Variants in COXFA4L3 observed in about 807,000 individuals in gnomAD.
COXFA4L3 encodes MIR147B host.
At chr15:45,430,673 A>C in the COXFA4L3 span, 1 of 843,992 alleles carries the variant, frequency 1.2e-6, no homozygotes, top group Admixed American at 2.7e-5. Flanking sequence ...TCCCATCTGC[A>C]GAGACGCGGA....
the COXFA4L3 span, chr15:45,432,080 GA>G: frequency 3.0e-5 from 48 of 1,600,742 alleles, no homozygotes; most frequent in South Asian, 5.6e-5. Context: ...AGCCTTGATC[GA>G]AAAAAAAATC....
the COXFA4L3 span, chr15:45,432,159 T>G: frequency 1.9e-6 from 3 of 1,603,118 alleles, no homozygotes; most frequent in Non-Finnish European, 1.7e-6. Flanking sequence ...AACAAATGAT[T>G]TATATTTTGC....
the COXFA4L3 span, chr15:45,430,627 A>G: frequency 1.6e-6 from 1 of 634,098 alleles, no homozygotes; most frequent in Admixed American, 3.1e-5. Context: ...GGGCGTTACC[A>G]TCGTCCGTGC....
At chr15:45,432,826 G>C in the COXFA4L3 span, 1 of 720,326 alleles carries the variant, frequency 1.4e-6, no homozygotes, top group Non-Finnish European at 2.3e-6. Context: ...GAAAGAGGTA[G>C]GTACAAACAC....
At chr15:45,431,287 A>G in the COXFA4L3 span, 3 of 435,776 alleles carry the variant, frequency 6.9e-6, no homozygotes, top group Non-Finnish European at 1.2e-5. Flanking sequence ...AATTAGAAAA[A>G]AAAAAGAAAA....
chr15:45,432,844 A>G, the COXFA4L3 span: 1 of 861,802 alleles, frequency 1.2e-6, no homozygotes, highest in East Asian at 2.5e-5. Context: ...CACAATGGTG[A>G]TGCTTTTTCT....
At chr15:45,433,035 T>C in the COXFA4L3 span, 2 of 1,601,366 alleles carry the variant, frequency 1.2e-6, no homozygotes, top group Non-Finnish European at 1.7e-6. Flanking sequence ...CGCCTCTTTC[T>C]TCTGAAGAGT....
At chr15:45,431,130 G>A in the COXFA4L3 span, 1 of 1,539,468 alleles carries the variant, frequency 6.5e-7, no homozygotes. Context: ...GCAGTGTTTG[G>A]ATGACTTTTA....
the COXFA4L3 span, among the ~76,000 whole-genome samples, chr15:45,431,634 G>C: frequency 6.6e-6 from 1 of 152,322 alleles, no homozygotes; most frequent in South Asian, 2.1e-4. Flanking sequence ...ACTTGAAACT[G>C]TTGGAGGCTG....
At chr15:45,430,766 C>G in the COXFA4L3 span, 2 of 1,604,636 alleles carry the variant, frequency 1.2e-6, no homozygotes, top group Non-Finnish European at 1.7e-6. Flanking sequence ...TTTTTAATTT[C>G]TAGATTTGGC....
chr15:45,431,088 T>C, the COXFA4L3 span: 1 of 1,610,658 alleles, frequency 6.2e-7, no homozygotes, highest in Non-Finnish European at 8.5e-7. Context: ...CGATGTGATG[T>C]AAGTAGGTCT....
the COXFA4L3 span, chr15:45,431,302 TA>T: frequency 2.9e-4 from 126 of 439,424 alleles, no homozygotes; most frequent in Middle Eastern, 5.8e-4. Context: ...AGAAAAAATT[TA>T]AAAAAACCCA....
the COXFA4L3 span, chr15:45,430,615 C>T: frequency 1.3e-5 from 8 of 616,494 alleles, no homozygotes; most frequent in Non-Finnish European, 2.3e-5. Flanking sequence ...CCGTTCGGTT[C>T]CGGGCGTTAC....
chr15:45,432,876 C>T, the COXFA4L3 span: 54 of 1,320,942 alleles, frequency 4.1e-5, no homozygotes, highest in Middle Eastern at 5.0e-4. Flanking sequence ...TGGACAAATC[C>T]GAAAGAGGGA....
chr15:45,433,225 G>A, the COXFA4L3 span: 1 of 541,606 alleles, frequency 1.8e-6, no homozygotes, highest in East Asian at 3.0e-5. Flanking sequence ...TTGTAAATTT[G>A]AATATTGCAT....
the COXFA4L3 span, among the ~76,000 whole-genome samples, chr15:45,432,431 G>A: frequency 5.3e-5 from 8 of 152,356 alleles, no homozygotes; most frequent in Non-Finnish European, 8.8e-5. Flanking sequence ...TTGGGAGGCC[G>A]AGGCGGGTGG....
At chr15:45,432,018 G>A in the COXFA4L3 span, 6 of 1,474,752 alleles carry the variant, frequency 4.1e-6, no homozygotes, top group Admixed American at 1.8e-5. Context: ...CCCAGTATCA[G>A]TGTTGGTTTA....
chr15:45,431,351 C>G, the COXFA4L3 span: 1 of 330,008 alleles, frequency 3.0e-6, no homozygotes, highest in Non-Finnish European at 5.4e-6. Flanking sequence ...TGTGTTTATT[C>G]TTTTACCCAT....
the COXFA4L3 span, chr15:45,432,866 T>A: frequency 2.6e-6 from 3 of 1,171,278 alleles, no homozygotes; most frequent in South Asian, 4.1e-5. Flanking sequence ...AAGGGGAGTG[T>A]GGACAAATCC....
Sources: gnomAD v4.1 joint callset for allele counts (sites outside exome capture counted in the v4.1 genomes callset) on GRCh38, gnomAD v4.1.1 for gene constraint, MANE v1.5 for transcripts, NCBI Gene and HGNC (gene_info 2026-07-23, HGNC 2026-07-21) for gene names.